CSRNP3: variants seen among roughly 807,000 people sequenced by gnomAD.
CSRNP3 encodes cysteine/serine-rich nuclear protein 3.
A neutral mutation model predicts 48.0 loss-of-function variants in CSRNP3; 12 were observed. The ratio of observed to expected loss-of-function variants is 0.25; its 90% CI spans 0.16 to 0.41. CSRNP3 has a LOEUF of 0.41. CSRNP3 is among the 10% of genes least tolerant of loss of function. CSRNP3 has a pLI of 1.00. For synonymous variants in CSRNP3, 263 were observed against 269.7 expected (o/e 0.98, Z 0.24); for missense variants, 580 against 724.4 (o/e 0.80, Z 2.29).
intron 2 of CSRNP3, among the ~76,000 whole-genome samples, chr2:165,497,903 A>G (rs114888926): frequency 0.016 from 2,403 of 152,224 alleles, 57 homozygotes; most frequent in African/African-American, 0.054. Context: ...CTTATATGCC[A>G]GCATCTCTTA....
At chr2:165,506,686 C>T (rs935183076) in intron 2 of CSRNP3, among the ~76,000 whole-genome samples, 1 of 152,044 alleles carries the variant, frequency 6.6e-6, no homozygotes, top group African/African-American at 2.4e-5. Context: ...GGTCTCAGCT[C>T]CCTCAAAACC....
At chr2:165,522,010 G>T (rs1684669697) in intron 3 of CSRNP3, among the ~76,000 whole-genome samples, 1 of 152,090 alleles carries the variant, frequency 6.6e-6, no homozygotes, top group Non-Finnish European at 1.5e-5. Context: ...GCTCAACAAG[G>T]CCAGGCATGG....
At chr2:165,562,896 A>G (rs1049941489) in intron 3 of CSRNP3, among the ~76,000 whole-genome samples, 6 of 152,124 alleles carry the variant, frequency 3.9e-5, no homozygotes, top group Non-Finnish European at 8.8e-5. Flanking sequence ...TCCATGTAAA[A>G]GGATATGGGA....
intron 5 of CSRNP3, among the ~76,000 whole-genome samples, chr2:165,660,849 G>A (rs1380286337): frequency 2.6e-5 from 4 of 152,218 alleles, no homozygotes; most frequent in East Asian, 3.9e-4. Flanking sequence ...GTAAACAAAA[G>A]GCATTTGGTT....
At chr2:165,520,320 G>T (rs1021600669) in intron 3 of CSRNP3, among the ~76,000 whole-genome samples, 6 of 152,098 alleles carry the variant, frequency 3.9e-5, no homozygotes, top group African/African-American at 1.4e-4. Context: ...AAATACTCCT[G>T]CCTGTTTTCT....
intron 2 of CSRNP3, among the ~76,000 whole-genome samples, chr2:165,514,531 CTTTGT>C (rs1684549780): frequency 6.6e-6 from 1 of 152,260 alleles, no homozygotes; most frequent in Non-Finnish European, 1.5e-5. Context: ...TGCACACATA[CTTTGT>C]TTTAACACAG....
At position 165,681,768 on chromosome 2, in the gene CSRNP3, C is replaced by T. The variant is rs1234954161; in HGVS notation, c.*2015C>T. The T allele has an allele frequency of 5.3e-5, 7 of 131,040 alleles. No homozygotes were observed. The highest frequency in any genetic ancestry group is 2.1e-4 in the African/African-American group (7 of 33,912). The allele number at this position is 131,040 out of a possible 1,614,324, so 8.1% of individuals were successfully genotyped here. Reference sequence around the variant, plus strand: ...ATATATATATATATATATACACACACACACACACATACACATATATATACA... The same window carrying T: ...ATATATATATATATATATACACACATACACACACATACACATATATATACA... On this transcript the variant is annotated 3_prime_UTR_variant, in exon 7 of 7. Transcript: ENST00000651982.
At chr2:165,560,530 C>G (rs1270155520) in intron 3 of CSRNP3, among the ~76,000 whole-genome samples, 2 of 152,208 alleles carry the variant, frequency 1.3e-5, no homozygotes, top group Non-Finnish European at 2.9e-5. Flanking sequence ...TCTTTTCTCT[C>G]TGCCCTTAAG....
chr2:165,532,973 GA>G (rs755888960), intron 3 of CSRNP3, among the ~76,000 whole-genome samples: 32 of 152,122 alleles, frequency 2.1e-4, no homozygotes, highest in Non-Finnish European at 3.7e-4. Context: ...GCTTCAAAGA[GA>G]ATAAAATACC....
At position 165,685,369 on chromosome 2, in the gene CSRNP3, C is replaced by T. The variant is rs1287250786; in HGVS notation, c.*5616C>T. 2.6e-5 allele frequency: 4 copies of T among 151,850 alleles called. No homozygotes were observed. The highest frequency in any genetic ancestry group is 5.9e-5 in the Non-Finnish European group (4 of 67,958). 9.4% of individuals were successfully genotyped at this position (151,850 alleles called of 1,614,324 possible). ...ACATTTGATATGACCTGTGTTTTACCTGGTGATCAGTTCTCAGGCTAGTCT... is the reference window on the plus strand; with the variant it reads ...ACATTTGATATGACCTGTGTTTTACTTGGTGATCAGTTCTCAGGCTAGTCT... On this transcript the variant is annotated 3_prime_UTR_variant, in exon 7 of 7. Transcript: ENST00000651982.
intron 4 of CSRNP3, among the ~76,000 whole-genome samples, chr2:165,654,691 G>A (rs1305751069): frequency 6.6e-6 from 1 of 152,082 alleles, no homozygotes; most frequent in African/African-American, 2.4e-5. Flanking sequence ...GTGCAGTGGT[G>A]TGATTTCGGC....
chr2:165,492,697 A>G (rs1684231096), intron 1 of CSRNP3, among the ~76,000 whole-genome samples: 1 of 148,118 alleles, frequency 6.8e-6, no homozygotes, highest in Non-Finnish European at 1.5e-5. Flanking sequence ...TTCCCTAATA[A>G]CACCCAGTAA....
intron 3 of CSRNP3, among the ~76,000 whole-genome samples, chr2:165,534,721 A>G (rs1684859478): frequency 6.6e-6 from 1 of 151,820 alleles, no homozygotes; most frequent in African/African-American, 2.4e-5. Context: ...CATCAAGTAA[A>G]TATTAAGTGA....
At chr2:165,548,602 G>A (rs888435179) in intron 3 of CSRNP3, among the ~76,000 whole-genome samples, 1 of 152,082 alleles carries the variant, frequency 6.6e-6, no homozygotes. Context: ...TAAGTGTTGT[G>A]TATAACATAA....
At chr2:165,522,963 A>G (rs945538577) in intron 3 of CSRNP3, among the ~76,000 whole-genome samples, 7 of 152,126 alleles carry the variant, frequency 4.6e-5, no homozygotes, top group Non-Finnish European at 1.0e-4. Context: ...TAATCCTTTC[A>G]TTCTGACTGT....
intron 3 of CSRNP3, among the ~76,000 whole-genome samples, chr2:165,528,425 G>C (rs1416261325): frequency 6.6e-6 from 1 of 152,106 alleles, no homozygotes; most frequent in Non-Finnish European, 1.5e-5. Flanking sequence ...GTTTTCCTAT[G>C]CTTTCTTCTA....
intron 3 of CSRNP3, among the ~76,000 whole-genome samples, chr2:165,527,922 CAG>C (rs753575588): frequency 6.1e-4 from 86 of 139,950 alleles, no homozygotes; most frequent in Admixed American, 9.4e-4. Context: ...GACAGGGAGA[CAG>C]AGAGAGAGAG....
At chr2:165,526,454 G>A (rs1469777071) in intron 3 of CSRNP3, among the ~76,000 whole-genome samples, 2 of 152,016 alleles carry the variant, frequency 1.3e-5, no homozygotes, top group Non-Finnish European at 2.9e-5. Flanking sequence ...ATTGGCAAAG[G>A]CTTGTGAGAG....
intron 1 of CSRNP3, among the ~76,000 whole-genome samples, chr2:165,482,414 C>G (rs970437917): frequency 3.9e-5 from 6 of 152,016 alleles, no homozygotes; most frequent in Admixed American, 6.5e-5. Context: ...CAGGCACGCC[C>G]CACTACGCTG....
Sources: gnomAD v4.1 joint callset for allele counts (sites outside exome capture counted in the v4.1 genomes callset) on GRCh38, gnomAD v4.1.1 for gene constraint, MANE v1.5 for transcripts, NCBI Gene and HGNC (gene_info 2026-07-23, HGNC 2026-07-21) for gene names.